Variants in TOX observed in about 807,000 individuals in gnomAD.
The protein encoded by TOX is thymocyte selection-associated high mobility group box protein TOX.
A neutral mutation model predicts 53.7 loss-of-function variants in TOX; 11 were observed. The observed-to-expected ratio is 0.20, with a 90% CI of 0.13 to 0.34. The LOEUF (loss-of-function observed/expected upper bound fraction) is 0.34, where lower values mean the gene tolerates loss of function less well. Ranked by LOEUF, TOX falls within the 10% of genes least tolerant of loss-of-function variation. The pLI is 1.00. For synonymous variants in TOX, 225 were observed against 245.3 expected (o/e 0.92, Z 0.77); for missense variants, 570 against 664.6 (o/e 0.86, Z 1.56).
chr8:58,843,025 T>C (rs185574932), intron 4 of TOX, among the ~76,000 whole-genome samples: 16 of 152,344 alleles, frequency 1.1e-4, no homozygotes, highest in African/African-American at 3.1e-4. Flanking sequence ...GGGGCTTCCA[T>C]TGTATATCTG....
At chr8:59,109,768 A>G (rs982731718) in intron 1 of TOX, among the ~76,000 whole-genome samples, 1 of 152,134 alleles carries the variant, frequency 6.6e-6, no homozygotes, top group African/African-American at 2.4e-5. Context: ...TCAGCTCATT[A>G]TTGGCTGGTA....
At chr8:58,965,187 G>C (rs1812871342) in intron 1 of TOX, among the ~76,000 whole-genome samples, 1 of 152,114 alleles carries the variant, frequency 6.6e-6, no homozygotes, top group Non-Finnish European at 1.5e-5. Flanking sequence ...AGAATAAATA[G>C]GCTGATTTAT....
At chr8:59,007,803 C>A (rs1169428641) in intron 1 of TOX, among the ~76,000 whole-genome samples, 3 of 152,144 alleles carry the variant, frequency 2.0e-5, no homozygotes, top group Non-Finnish European at 4.4e-5. Context: ...TTAAACTACA[C>A]AGGTAATATT....
intron 7 of TOX, among the ~76,000 whole-genome samples, chr8:58,813,243 T>C (rs946865157): frequency 6.6e-6 from 1 of 152,242 alleles, no homozygotes; most frequent in Non-Finnish European, 1.5e-5. Flanking sequence ...TTCAGGATCA[T>C]GGCCACATCA....
chr8:58,967,987 C>T (rs372721080), intron 1 of TOX, among the ~76,000 whole-genome samples: 3 of 152,074 alleles, frequency 2.0e-5, no homozygotes, highest in African/African-American at 7.2e-5. Flanking sequence ...AAAGAGTCAT[C>T]GATTCTATTT....
At chr8:58,974,732 A>G (rs1350654407) in intron 1 of TOX, among the ~76,000 whole-genome samples, 2 of 152,228 alleles carry the variant, frequency 1.3e-5, no homozygotes, top group Admixed American at 1.3e-4. Flanking sequence ...TGTTATGATC[A>G]AAACCTAAAA....
chr8:58,862,723 G>GT (rs758889626), intron 3 of TOX, among the ~76,000 whole-genome samples: 154 of 152,192 alleles, frequency 1.0e-3, no homozygotes, highest in Non-Finnish European at 1.8e-3. Flanking sequence ...AGCCCAGAAT[G>GT]TATCAAGCCA....
rs747693247 is a variant in TOX at position 58,838,274 on chromosome 8, C to A, written c.731G>T (p.Gly244Val). The A allele has an allele frequency of 1.3e-5, 21 of 1,613,824 alleles. No homozygotes were observed. The highest frequency in any genetic ancestry group is 1.8e-5 in the Non-Finnish European group (21 of 1,179,974). The change falls in exon 5 of 9, where the codon GGG becomes GTG. Residue 244 changes from glycine to valine, a missense_variant. Physicochemically the swap from Gly to Val is moderately radical, Grantham distance 109 (BLOSUM62 -3). Coordinates refer to ENST00000361421, the MANE Select transcript of TOX (RefSeq NM_014729.3). ...CTTTTTGGGAGTTTTTGGTTTTTTC[C>A]CCATATCAGAGGCAGGCCGCTTCTC... ...GGEKRPASDMGKKPKTPKKKK... is the reference protein window; with the variant it reads ...GGEKRPASDMVKKPKTPKKKK...
At chr8:59,092,704 C>T (rs543545275) in intron 1 of TOX, among the ~76,000 whole-genome samples, 1 of 152,196 alleles carries the variant, frequency 6.6e-6, no homozygotes, top group South Asian at 2.1e-4. Context: ...TGTTTCTTCT[C>T]TTTCCATCAT....
At chr8:58,991,258 AGCT>A (rs1813440919) in intron 1 of TOX, among the ~76,000 whole-genome samples, 1 of 152,232 alleles carries the variant, frequency 6.6e-6, no homozygotes, top group African/African-American at 2.4e-5. Flanking sequence ...TATTTAGTGA[AGCT>A]GAAGGGATCT....
intron 3 of TOX, among the ~76,000 whole-genome samples, chr8:58,870,146 A>G (rs1811173575): frequency 6.6e-6 from 1 of 152,204 alleles, no homozygotes; most frequent in Non-Finnish European, 1.5e-5. Context: ...GACTCTATTC[A>G]TAAGTGACAT....
At chr8:59,027,120 G>A (rs1320213880) in intron 1 of TOX, among the ~76,000 whole-genome samples, 1 of 152,156 alleles carries the variant, frequency 6.6e-6, no homozygotes, top group Admixed American at 6.5e-5. Context: ...CAGACTGGGT[G>A]CAATCTACAA....
At chr8:58,888,026 T>G (rs1333822896) in intron 3 of TOX, among the ~76,000 whole-genome samples, 1 of 152,100 alleles carries the variant, frequency 6.6e-6, no homozygotes, top group East Asian at 1.9e-4. Context: ...TTGCTCCTTG[T>G]CTACAAACCT....
chr8:58,946,271 T>C (rs1812521276), intron 2 of TOX, among the ~76,000 whole-genome samples: 1 of 152,180 alleles, frequency 6.6e-6, no homozygotes, highest in Non-Finnish European at 1.5e-5. Context: ...AGAAGTTTAT[T>C]AGAAAAATAA....
chr8:58,808,243 C>T lies in TOX; in HGVS notation c.1419G>A (p.Gln473=). Reference sequence around the variant, plus strand: ...CTGTAGATGTAGGATTGATAATAGTCTGATAGTCGGGTTGAAGAGTAAATC... The same window carrying T: ...CTGTAGATGTAGGATTGATAATAGTTTGATAGTCGGGTTGAAGAGTAAATC... The part of the protein sequence containing the change: ...QQGFTLQPDY[Q]TIINPTSTAA... The change falls in exon 8 of 9, where the codon CAG becomes CAA. Residue 473 remains glutamine (Q), a synonymous_variant. Transcript: ENST00000361421. 6.2e-7 allele frequency: 1 copy of T among 1,612,906 alleles called. No individual in the cohort carries two copies. The highest frequency in any genetic ancestry group is 2.2e-5 in the East Asian group (1 of 44,870).
intron 3 of TOX, among the ~76,000 whole-genome samples, chr8:58,915,838 A>T (rs1373194058): frequency 7.1e-6 from 1 of 141,594 alleles, no homozygotes; most frequent in Non-Finnish European, 1.5e-5. Flanking sequence ...TAGAATAACC[A>T]ATACAGAGAA....
At chr8:58,912,303 G>A (rs1324608028) in intron 3 of TOX, among the ~76,000 whole-genome samples, 2 of 152,170 alleles carry the variant, frequency 1.3e-5, no homozygotes, top group Admixed American at 1.3e-4. Flanking sequence ...ATACACTAAG[G>A]TAACTGAAGA....
intron 3 of TOX, among the ~76,000 whole-genome samples, chr8:58,904,171 C>T (rs1221310437): frequency 2.0e-5 from 3 of 152,204 alleles, no homozygotes; most frequent in Admixed American, 2.0e-4. Context: ...AATTCTGGTC[C>T]CACAGAATGC....
intron 1 of TOX, among the ~76,000 whole-genome samples, chr8:59,051,520 A>G (rs1374148726): frequency 1.3e-5 from 2 of 152,164 alleles, no homozygotes; most frequent in African/African-American, 2.4e-5. Flanking sequence ...TGCATTGAAG[A>G]TCAATTATTC....
Sources: allele counts gnomAD v4.1 joint callset (sites outside exome capture counted in the v4.1 genomes callset), GRCh38; gene constraint gnomAD v4.1.1; transcripts MANE v1.5; gene names NCBI Gene and HGNC (gene_info 2026-07-23, HGNC 2026-07-21).